The following CAMK1D variants were observed in gnomAD, a reference collection of about 807,000 sequenced individuals.
CAMK1D encodes calcium/calmodulin dependent protein kinase ID.
In CAMK1D, 9 loss-of-function variants were observed where a neutral mutation model predicts 47.7. That is an observed-to-expected ratio of 0.19 (90% CI 0.11 to 0.33). The LOEUF (loss-of-function observed/expected upper bound fraction) is 0.33, where lower values mean the gene tolerates loss of function less well. Ranked by LOEUF, CAMK1D falls within the 10% of genes least tolerant of loss-of-function variation. CAMK1D has a pLI of 1.00. For missense variants in CAMK1D, 291 were observed against 488.7 expected, an observed-to-expected ratio of 0.60 and a Z score of 3.81; for synonymous variants, 184 against 184.9, an observed-to-expected ratio of 0.99 and a Z score of 0.04.
intron 6 of CAMK1D, among the ~76,000 whole-genome samples, chr10:12,795,113 A>G (rs1306624897): frequency 6.6e-6 from 1 of 152,194 alleles, no homozygotes; most frequent in African/African-American, 2.4e-5. Flanking sequence ...AGTAGGTCAC[A>G]GAATGCAGTG....
intron 1 of CAMK1D, among the ~76,000 whole-genome samples, chr10:12,455,972 G>A (rs1329522273): frequency 1.3e-5 from 2 of 152,192 alleles, no homozygotes; most frequent in Non-Finnish European, 2.9e-5. Context: ...CATAATAAAT[G>A]TTCTAAGTCA....
Position 12,369,360 on chromosome 10 carries a change from A to G in CAMK1D, c.92+19450A>G, listed in dbSNP as rs1038697465. 3.9e-5 allele frequency among the ~76,000 whole-genome samples: 6 copies of G among 152,328 alleles called. No individual in the cohort carries two copies. The East Asian group carries it at 7.7e-4, about 20-fold the overall frequency. On this transcript the variant is annotated intron_variant, in intron 1 of 10. Transcript: ENST00000619168. ...AGTCTACTCCATGCCAGGCACTAAG[A>G]AAGTGTTGGTAAACAAAACGTGGTT...
At chr10:12,408,828 G>A (rs1195847555) in intron 1 of CAMK1D, among the ~76,000 whole-genome samples, 1 of 145,310 alleles carries the variant, frequency 6.9e-6, no homozygotes, top group South Asian at 2.2e-4. Context: ...TATGGTTTTC[G>A]TTCATTTCTT....
intron 1 of CAMK1D, among the ~76,000 whole-genome samples, chr10:12,387,391 TATATATTTTTATATATTA>T (rs1564306908): frequency 3.1e-5 from 2 of 65,416 alleles, no homozygotes; most frequent in African/African-American, 1.0e-4. Context: ...TTATATATAT[TATATATTTTTATATATTA>T]TATATATTTT....
Position 12,830,757 on chromosome 10 carries a change from C to G in CAMK1D, c.*1870C>G, listed in dbSNP as rs532256379. On this transcript the variant is annotated 3_prime_UTR_variant, in exon 11 of 11. Coordinates refer to ENST00000619168, the MANE Select transcript of CAMK1D (RefSeq NM_153498.4). ...CCTCGAGCCCACGGGGGTGTCCCGG[C>G]AGGTCTGCGTCATCACGACCCAGTA... 1 of 152,376 alleles carries G rather than the reference C, an allele frequency of 6.6e-6. No homozygotes were observed. Among genetic ancestry groups the G allele is most frequent in the African/African-American group, 2.4e-5 (1 of 41,574 alleles). 9.4% of individuals were successfully genotyped at this position (152,376 alleles called of 1,614,324 possible).
chr10:12,475,059 C>T (rs139450058), intron 1 of CAMK1D, among the ~76,000 whole-genome samples: 59 of 152,222 alleles, frequency 3.9e-4, no homozygotes, highest in African/African-American at 1.3e-3. Context: ...CTGCAGTGAA[C>T]GTAGCATGCA....
At chr10:12,386,735 G>A (rs1838507535) in intron 1 of CAMK1D, among the ~76,000 whole-genome samples, 1 of 152,144 alleles carries the variant, frequency 6.6e-6, no homozygotes, top group Non-Finnish European at 1.5e-5. Context: ...GTCATCTGAA[G>A]GTGATGAAAT....
chr10:12,783,328 G>A (rs1294209419), intron 5 of CAMK1D, among the ~76,000 whole-genome samples: 2 of 152,108 alleles, frequency 1.3e-5, no homozygotes, highest in Non-Finnish European at 2.9e-5. Context: ...TTCTGGCATC[G>A]AGGACTGCCC....
intron 1 of CAMK1D, among the ~76,000 whole-genome samples, chr10:12,372,150 C>G (rs1454978519): frequency 6.6e-6 from 1 of 152,128 alleles, no homozygotes; most frequent in Non-Finnish European, 1.5e-5. Context: ...TAGGCCATAC[C>G]TAGGTTTGTG....
intron 3 of CAMK1D, among the ~76,000 whole-genome samples, chr10:12,748,834 G>A (rs777800390): frequency 3.7e-4 from 57 of 152,214 alleles, no homozygotes; most frequent in Admixed American, 3.0e-3. Flanking sequence ...GAGCCTAGGA[G>A]TTCAAGGCTG....
intron 1 of CAMK1D, among the ~76,000 whole-genome samples, chr10:12,496,793 A>T (rs974339087): frequency 2.0e-5 from 3 of 152,154 alleles, no homozygotes; most frequent in Non-Finnish European, 4.4e-5. Context: ...ACATAGGGAA[A>T]CGTGTGCCAT....
At chr10:12,616,873 G>A (rs1417213864) in intron 2 of CAMK1D, among the ~76,000 whole-genome samples, 1 of 152,156 alleles carries the variant, frequency 6.6e-6, no homozygotes, top group Non-Finnish European at 1.5e-5. Flanking sequence ...GAACCGAGGT[G>A]GTCTCTGTCT....
At position 12,726,196 on chromosome 10, in the gene CAMK1D, C is replaced by T. The variant is rs138491684; in HGVS notation, c.300-34752C>T. Among the ~76,000 whole-genome samples the T allele has an allele frequency of 8.8e-3, 1,338 of 151,974 alleles. 33 individuals are homozygous for T. Among genetic ancestry groups the T allele is most frequent in the East Asian group, 0.082 (419 of 5,102 alleles). On this transcript the variant is annotated intron_variant, in intron 3 of 10. Transcript: ENST00000619168. ...ATCCCATTACTTTGGGAGGCCTAGGCGGGTGGATCACAAGGTCAGGAGATC... is the reference window on the plus strand; with the variant it reads ...ATCCCATTACTTTGGGAGGCCTAGGTGGGTGGATCACAAGGTCAGGAGATC...
intron 1 of CAMK1D, among the ~76,000 whole-genome samples, chr10:12,401,965 C>T (rs549222176): frequency 2.6e-4 from 39 of 151,528 alleles, no homozygotes; most frequent in Non-Finnish European, 4.3e-4. Flanking sequence ...GCGCGATCTC[C>T]GCTCATTGCA....
chr10:12,432,302 C>T (rs1832501569), intron 1 of CAMK1D, among the ~76,000 whole-genome samples: 1 of 152,220 alleles, frequency 6.6e-6, no homozygotes, highest in African/African-American at 2.4e-5. Context: ...TCACCCTTAC[C>T]TTCGTTTGCA....
At chr10:12,561,972 C>T (rs1019724704) in intron 2 of CAMK1D, among the ~76,000 whole-genome samples, 1 of 152,182 alleles carries the variant, frequency 6.6e-6, no homozygotes, top group Non-Finnish European at 1.5e-5. Flanking sequence ...GGGCCTCTTC[C>T]TGCCTAGGGT....
intron 3 of CAMK1D, among the ~76,000 whole-genome samples, chr10:12,677,222 A>ATG (rs1840840227): frequency 6.6e-6 from 1 of 151,632 alleles, no homozygotes; most frequent in African/African-American, 2.4e-5. Flanking sequence ...CTGTGTTCCC[A>ATG]GAAACAGTTT....
chr10:12,353,028 C>T (rs1054190381), intron 1 of CAMK1D, among the ~76,000 whole-genome samples: 10 of 152,098 alleles, frequency 6.6e-5, no homozygotes, highest in African/African-American at 1.7e-4. Context: ...TGAGCTACTG[C>T]GCCCAGCCGC....
chr10:12,800,051 C>G (rs996223244), intron 6 of CAMK1D, among the ~76,000 whole-genome samples: 2 of 152,166 alleles, frequency 1.3e-5, no homozygotes, highest in African/African-American at 4.8e-5. Context: ...ATTTATCCCC[C>G]TTGCATTTTC....
Sources: allele counts gnomAD v4.1 joint callset (sites outside exome capture counted in the v4.1 genomes callset), GRCh38; gene constraint gnomAD v4.1.1; transcripts MANE v1.5; gene names NCBI Gene and HGNC (gene_info 2026-07-23, HGNC 2026-07-21).